The following BRINP3 variants were observed in gnomAD, a reference collection of about 807,000 sequenced individuals.
BRINP3 encodes the protein BMP/retinoic acid-inducible neural-specific protein 3.
Under a neutral mutation model 71.0 loss-of-function variants are expected in BRINP3, and 19 were observed. The observed-to-expected ratio is 0.27, with a 90% CI of 0.19 to 0.39. BRINP3 has a LOEUF of 0.39. BRINP3 is among the 10% of genes least tolerant of loss of function. The pLI is 1.00. For synonymous variants in BRINP3, 380 were observed against 337.7 expected (o/e 1.13, Z -1.37); for missense variants, 959 against 940.8 (o/e 1.02, Z -0.25).
At chr1:190,199,200 C>A (rs1163676071) in intron 6 of BRINP3, among the ~76,000 whole-genome samples, 4 of 152,168 alleles carry the variant, frequency 2.6e-5, no homozygotes, top group African/African-American at 7.2e-5. Context: ...TCAATTACCT[C>A]CCACTGGGTC....
chr1:190,297,930 A>G (rs1296949189), intron 2 of BRINP3, among the ~76,000 whole-genome samples: 1 of 152,014 alleles, frequency 6.6e-6, no homozygotes, highest in Non-Finnish European at 1.5e-5. Flanking sequence ...ATTATTGTTA[A>G]TTCTTATTCA....
chr1:190,316,536 A>ATATGG (rs573071366), intron 2 of BRINP3, among the ~76,000 whole-genome samples: 202 of 152,246 alleles, frequency 1.3e-3, no homozygotes, highest in Admixed American at 2.0e-3. Flanking sequence ...GATAATATTA[A>ATATGG]TATGGTTAAT....
intron 3 of BRINP3, among the ~76,000 whole-genome samples, chr1:190,268,104 T>C (rs1231744672): frequency 2.0e-5 from 3 of 152,244 alleles, no homozygotes; most frequent in Non-Finnish European, 2.9e-5. Flanking sequence ...ATTCCAATAC[T>C]GCAAAACTGG....
chr1:190,330,200 A>G (rs1666875504), intron 2 of BRINP3, among the ~76,000 whole-genome samples: 1 of 151,970 alleles, frequency 6.6e-6, no homozygotes, highest in South Asian at 2.1e-4. Flanking sequence ...AAATAAAAAA[A>G]CTACAGAATG....
intron 7 of BRINP3, among the ~76,000 whole-genome samples, chr1:190,129,289 A>G (rs1257852103): frequency 6.6e-6 from 1 of 151,796 alleles, no homozygotes; most frequent in African/African-American, 2.4e-5. Flanking sequence ...AAATGTATTC[A>G]GCTCAGACAG....
intron 2 of BRINP3, among the ~76,000 whole-genome samples, chr1:190,439,880 T>G (rs576451755): frequency 9.2e-5 from 14 of 152,124 alleles, no homozygotes; most frequent in Non-Finnish European, 7.4e-5. Context: ...GGGCAAGTTT[T>G]TTTAATTCTC....
At position 190,440,006 on chromosome 1, in the gene BRINP3, T is replaced by C. The variant is rs191733221; in HGVS notation, c.236+14649A>G. On this transcript the variant is annotated intron_variant, in intron 2 of 7. Transcript: ENST00000367462. ...TAAGATATGCTAACATAACAGACTG[T>C]ATTTCTTCCAGTAGTTATCAAAAAT... Among the ~76,000 whole-genome samples the C allele has an allele frequency of 4.8e-4, 73 of 152,076 alleles. No homozygotes were observed. In the East Asian group the frequency reaches 5.0e-3, roughly 10 times the overall value.
chr1:190,350,637 C>T (rs180836389), intron 2 of BRINP3, among the ~76,000 whole-genome samples: 159 of 152,154 alleles, frequency 1.0e-3, no homozygotes, highest in Admixed American at 1.1e-3. Context: ...TTAAACATGG[C>T]TATGCCTAAT....
chr1:190,256,317 C>CT (rs1354181203), intron 4 of BRINP3, among the ~76,000 whole-genome samples: 2 of 151,668 alleles, frequency 1.3e-5, no homozygotes, highest in South Asian at 2.1e-4. Flanking sequence ...GCAACCCCTG[C>CT]TTTTTTTTGC....
intron 2 of BRINP3, among the ~76,000 whole-genome samples, chr1:190,295,702 C>T (rs1057091881): frequency 6.6e-6 from 1 of 152,016 alleles, no homozygotes; most frequent in African/African-American, 2.4e-5. Context: ...GGGCCCTGCC[C>T]TGTGTTGTAT....
chr1:190,461,270 C>A (rs1676380130), intron 1 of BRINP3, among the ~76,000 whole-genome samples: 1 of 152,130 alleles, frequency 6.6e-6, no homozygotes, highest in African/African-American at 2.4e-5. Flanking sequence ...CATCTTCACC[C>A]CATTTTCTCT....
intron 2 of BRINP3, among the ~76,000 whole-genome samples, chr1:190,362,966 A>C (rs1571863716): frequency 6.6e-6 from 1 of 152,142 alleles, no homozygotes; most frequent in East Asian, 1.9e-4. Context: ...TCCAGAAAGA[A>C]CTGTGATCAT....
intron 1 of BRINP3, among the ~76,000 whole-genome samples, chr1:190,456,575 A>AT (rs1676007171): frequency 6.6e-6 from 1 of 151,752 alleles, no homozygotes; most frequent in Admixed American, 6.6e-5. Flanking sequence ...TATTTTATAT[A>AT]TTTTTTCTTA....
At chr1:190,114,424 A>T (rs1652955539) in intron 7 of BRINP3, among the ~76,000 whole-genome samples, 1 of 152,096 alleles carries the variant, frequency 6.6e-6, no homozygotes, top group African/African-American at 2.4e-5. Flanking sequence ...AAATTAGATT[A>T]TAGTAACTAT....
At chr1:190,339,957 C>T (rs1667547114) in intron 2 of BRINP3, among the ~76,000 whole-genome samples, 1 of 151,762 alleles carries the variant, frequency 6.6e-6, no homozygotes, top group Non-Finnish European at 1.5e-5. Context: ...TCCATTTGTC[C>T]AATTTATTAG....
At chr1:190,257,647 A>G (rs1458471356) in intron 4 of BRINP3, among the ~76,000 whole-genome samples, 4 of 152,190 alleles carry the variant, frequency 2.6e-5, no homozygotes, top group Non-Finnish European at 1.5e-5. Flanking sequence ...TTGGTAACCT[A>G]CAGATGGGGT....
chr1:190,293,049 ATTTCT>A (rs1422634583), intron 2 of BRINP3, among the ~76,000 whole-genome samples: 1 of 150,974 alleles, frequency 6.6e-6, no homozygotes, highest in Non-Finnish European at 1.5e-5. Flanking sequence ...AATCTTTACT[ATTTCT>A]TTTCTTTTAC....
chr1:190,176,713 G>A (rs941933682), intron 6 of BRINP3, among the ~76,000 whole-genome samples: 4 of 151,880 alleles, frequency 2.6e-5, no homozygotes, highest in Admixed American at 6.6e-5. Flanking sequence ...CTGAAGGGAC[G>A]GGCTACGTTA....
intron 2 of BRINP3, among the ~76,000 whole-genome samples, chr1:190,334,039 C>T (rs1667131617): frequency 6.6e-6 from 1 of 151,842 alleles, no homozygotes; most frequent in Non-Finnish European, 1.5e-5. Context: ...GCATGCACTT[C>T]CTTCCCACAT....
Sources: gnomAD v4.1 joint callset for allele counts (sites outside exome capture counted in the v4.1 genomes callset) on GRCh38, gnomAD v4.1.1 for gene constraint, MANE v1.5 for transcripts, NCBI Gene and HGNC (gene_info 2026-07-23, HGNC 2026-07-21) for gene names.